AVEN: variants seen among roughly 807,000 people sequenced by gnomAD.
AVEN encodes apoptosis and caspase activation inhibitor.
AVEN carries 41 observed loss-of-function variants against 38.1 expected under a neutral mutation model. The observed-to-expected ratio is 1.08, with a 90% CI of 0.84 to 1.40. AVEN has a LOEUF of 1.40. Ranked by LOEUF, AVEN falls within the 40% of genes most tolerant of loss-of-function variation. AVEN has a pLI of 0.00. For synonymous variants in AVEN, 206 were observed against 171.8 expected, an observed-to-expected ratio of 1.20 and a Z score of -1.56; for missense variants, 605 against 438.8, an observed-to-expected ratio of 1.38 and a Z score of -3.38.
chr15:33,993,439 TG>T (rs1422847572), intron 2 of AVEN, among the ~76,000 whole-genome samples: 1 of 152,024 alleles, frequency 6.6e-6, no homozygotes, highest in Non-Finnish European at 1.5e-5. Flanking sequence ...TCACTGTCAG[TG>T]GTCAGAAACA....
chr15:33,919,090 T>G (rs1893288180), intron 2 of AVEN, among the ~76,000 whole-genome samples: 1 of 152,016 alleles, frequency 6.6e-6, no homozygotes, highest in East Asian at 1.9e-4. Context: ...CCCGGCTAAT[T>G]TTTTGTATTT....
chr15:33,874,780 A>G (rs1891150347), intron 3 of AVEN, among the ~76,000 whole-genome samples: 1 of 152,176 alleles, frequency 6.6e-6, no homozygotes, highest in Admixed American at 6.5e-5. Context: ...TGTTTTGATG[A>G]ATGACGAAGC....
chr15:34,067,939 A>C (rs185638852), intron 2 of AVEN, among the ~76,000 whole-genome samples: 1 of 152,368 alleles, frequency 6.6e-6, no homozygotes, highest in Non-Finnish European at 1.5e-5. Flanking sequence ...AGTGAGCGGA[A>C]GAAGGGAAAA....
chr15:33,959,281 C>T (rs1455523182), intron 2 of AVEN, among the ~76,000 whole-genome samples: 1 of 152,062 alleles, frequency 6.6e-6, no homozygotes, highest in Non-Finnish European at 1.5e-5. Flanking sequence ...TTATGCCATA[C>T]TTTTTTAAAT....
At chr15:33,888,933 G>A (rs1453688790) in intron 2 of AVEN, among the ~76,000 whole-genome samples, 1 of 151,866 alleles carries the variant, frequency 6.6e-6, no homozygotes, top group African/African-American at 2.4e-5. Context: ...GGCCAGGATG[G>A]TCTCAATTTC....
chr15:33,859,532 A>C, intron 11 of AVEN: 1 of 1,609,304 alleles, frequency 6.2e-7, no homozygotes, highest in South Asian at 1.1e-5. Context: ...CTAAAAACAG[A>C]ACTGTGACTT....
At chr15:33,892,143 T>C (rs1236052745) in intron 2 of AVEN, among the ~76,000 whole-genome samples, 3 of 152,172 alleles carry the variant, frequency 2.0e-5, no homozygotes, top group Non-Finnish European at 4.4e-5. Flanking sequence ...GTCAGATGGG[T>C]AGATTGCAAA....
intron 2 of AVEN, among the ~76,000 whole-genome samples, chr15:33,919,528 T>C (rs900903345): frequency 2.0e-5 from 3 of 152,184 alleles, no homozygotes; most frequent in Admixed American, 2.0e-4. Flanking sequence ...AGTCAATATC[T>C]ATAATTTTAT....
chr15:33,924,073 C>T (rs1235309550), intron 2 of AVEN, among the ~76,000 whole-genome samples: 1 of 151,692 alleles, frequency 6.6e-6, no homozygotes, highest in African/African-American at 2.4e-5. Flanking sequence ...CTAAACTATC[C>T]CCCCCTTTTC....
intron 4 of AVEN, 103 bp from the exon 5 acceptor site, chr15:33,867,958 A>C (rs1277846796): frequency 1.2e-5 from 17 of 1,426,554 alleles, no homozygotes; most frequent in Non-Finnish European, 1.6e-5. Context: ...TTTGTGACAG[A>C]GGAAACTCAA....
rs1597161398 is a variant in AVEN at position 33,866,466 on chromosome 15, C to CAGAGGTAGGCA, written c.*136_*146dup. On this transcript the variant is annotated 3_prime_UTR_variant, in exon 6 of 6. Transcript: ENST00000306730. ...AATGTATTCTTTCAGATGTCAAACA[C>CAGAGGTAGGCA]AGAGGTAGGCATTTACTGCTGTGAG... The CAGAGGTAGGCA allele has an allele frequency of 1.1e-5, 7 of 610,492 alleles. No homozygotes were observed. The East Asian group carries it at 1.9e-4, about 17-fold the overall frequency. The allele number at this position is 610,492 out of a possible 1,614,324, so 37.8% of individuals were successfully genotyped here.
At chr15:34,068,648 G>A (rs2140854976) in intron 2 of AVEN, among the ~76,000 whole-genome samples, 1 of 152,082 alleles carries the variant, frequency 6.6e-6, no homozygotes, top group South Asian at 2.1e-4. Context: ...TTTCTATTTG[G>A]GAAACTAATA....
intron 2 of AVEN, among the ~76,000 whole-genome samples, chr15:33,987,148 G>A (rs1157056681): frequency 6.6e-6 from 1 of 152,162 alleles, no homozygotes; most frequent in Non-Finnish European, 1.5e-5. Flanking sequence ...TGAGACCAGT[G>A]CAGTATTCTC....
intron 2 of AVEN, among the ~76,000 whole-genome samples, chr15:33,945,609 T>C (rs566835441): frequency 3.3e-5 from 5 of 152,104 alleles, no homozygotes; most frequent in African/African-American, 4.8e-5. Flanking sequence ...TTTTTTGAAA[T>C]GGAGTCTCGC....
intron 2 of AVEN, among the ~76,000 whole-genome samples, chr15:33,934,825 G>A (rs1489186909): frequency 6.6e-6 from 1 of 152,160 alleles, no homozygotes; most frequent in Non-Finnish European, 1.5e-5. Flanking sequence ...CTTTCCAATT[G>A]TGTGACCTTG....
chr15:33,866,205 A>G (rs751001243), downstream of AVEN: 43 of 179,540 alleles, frequency 2.4e-4, no homozygotes, highest in Non-Finnish European at 3.7e-4. Flanking sequence ...CCAGGGCCCC[A>G]CACAAGAAAG....
At chr15:33,961,581 A>C (rs1030285819) in intron 2 of AVEN, among the ~76,000 whole-genome samples, 4 of 151,938 alleles carry the variant, frequency 2.6e-5, no homozygotes, top group African/African-American at 9.7e-5. Context: ...TGGGAGGCCA[A>C]GGTGGGCGAA....
chr15:33,928,244 T>C (rs1490569571), intron 2 of AVEN, among the ~76,000 whole-genome samples: 2 of 152,234 alleles, frequency 1.3e-5, no homozygotes, highest in East Asian at 3.8e-4. Context: ...AACTGGTTAC[T>C]GACTGTTGTA....
At chr15:33,885,186 AGAG>A (rs903223388) in intron 2 of AVEN, among the ~76,000 whole-genome samples, 1 of 152,220 alleles carries the variant, frequency 6.6e-6, no homozygotes, top group African/African-American at 2.4e-5. Flanking sequence ...CAATCTTCAC[AGAG>A]GAGGAGAGAA....
Sources: allele counts gnomAD v4.1 joint callset (sites outside exome capture counted in the v4.1 genomes callset), GRCh38; gene constraint gnomAD v4.1.1; transcripts MANE v1.5; gene names NCBI Gene and HGNC (gene_info 2026-07-23, HGNC 2026-07-21).